The following NR3C2 variants were observed in gnomAD, a reference collection of about 807,000 sequenced individuals.
NR3C2 encodes the protein nuclear receptor subfamily 3 group C member 2.
NR3C2 carries 15 observed loss-of-function variants against 86.4 expected under a neutral mutation model. The ratio of observed to expected loss-of-function variants is 0.17; its 90% confidence interval spans 0.12 to 0.27. The LOEUF is 0.27. NR3C2 is among the 10% of genes least tolerant of loss of function. The pLI is 1.00. For missense variants in NR3C2, 960 were observed against 1,195.6 expected (o/e 0.80, Z 2.91); for synonymous variants, 458 against 450.5 (o/e 1.02, Z -0.21).
At chr4:148,378,509 G>T (rs189514797) in intron 2 of NR3C2, among the ~76,000 whole-genome samples, 36 of 152,250 alleles carry the variant, frequency 2.4e-4, no homozygotes, top group Non-Finnish European at 3.7e-4. Flanking sequence ...GATCATGGGG[G>T]TGGATCCCTC....
intron 2 of NR3C2, among the ~76,000 whole-genome samples, chr4:148,393,629 G>A (rs756668980): frequency 1.3e-5 from 2 of 152,034 alleles, no homozygotes; most frequent in Admixed American, 6.6e-5. Context: ...ATGGAAGCCC[G>A]GTATTACCAG....
intron 4 of NR3C2, among the ~76,000 whole-genome samples, chr4:148,187,761 G>A (rs1187080703): frequency 6.6e-6 from 1 of 152,116 alleles, no homozygotes; most frequent in Non-Finnish European, 1.5e-5. Flanking sequence ...TATTGCATTT[G>A]CTTTTGGGTT....
At chr4:148,337,596 A>AGCC (rs1744557747) in intron 2 of NR3C2, among the ~76,000 whole-genome samples, 1 of 152,188 alleles carries the variant, frequency 6.6e-6, no homozygotes, top group African/African-American at 2.4e-5. Context: ...ACATTTATCT[A>AGCC]TTTTGTTAAA....
At chr4:148,353,330 T>C (rs1055047530) in intron 2 of NR3C2, among the ~76,000 whole-genome samples, 12 of 152,146 alleles carry the variant, frequency 7.9e-5, no homozygotes, top group Admixed American at 5.9e-4. Flanking sequence ...TTTTAAATTA[T>C]GGAAATCCAA....
At chr4:148,444,659 C>T (rs1750501963), upstream of NR3C2, 2 of 985,540 alleles carry the variant, frequency 2.0e-6, no homozygotes, top group Non-Finnish European at 2.4e-6. Context: ...ATGATAATCC[C>T]GGCAGTGGCA....
chr4:148,087,214 T>TCTTC (rs1730854682), intron 8 of NR3C2, among the ~76,000 whole-genome samples: 2 of 152,062 alleles, frequency 1.3e-5, no homozygotes, highest in African/African-American at 4.8e-5. Flanking sequence ...ATACAAGGGA[T>TCTTC]GTGAAGGACA....
chr4:148,277,829 A>G (rs1579097631), intron 2 of NR3C2, among the ~76,000 whole-genome samples: 1 of 152,132 alleles, frequency 6.6e-6, no homozygotes, highest in East Asian at 1.9e-4. Context: ...GGGCCATACT[A>G]GTCATCAGCA....
intron 2 of NR3C2, among the ~76,000 whole-genome samples, chr4:148,307,511 C>G (rs1742689067): frequency 6.6e-6 from 1 of 152,166 alleles, no homozygotes; most frequent in Admixed American, 6.5e-5. Flanking sequence ...TGACACAGAG[C>G]AACTACTTAA....
intron 3 of NR3C2, among the ~76,000 whole-genome samples, chr4:148,223,188 A>G (rs1406385912): frequency 6.6e-6 from 1 of 152,128 alleles, no homozygotes; most frequent in Non-Finnish European, 1.5e-5. Flanking sequence ...AGCAATACAG[A>G]GCTATGCAGC....
At chr4:148,391,956 T>TAA (rs5862838) in intron 2 of NR3C2, among the ~76,000 whole-genome samples, 27 of 147,988 alleles carry the variant, frequency 1.8e-4, no homozygotes, top group African/African-American at 3.5e-4. Flanking sequence ...AATAACGTAG[T>TAA]AAAAAAAAAA....
At chr4:148,259,949 G>A in intron 3 of NR3C2, 29 bp downstream of exon 3, 1 of 1,613,862 alleles carries the variant, frequency 6.2e-7, no homozygotes, top group Non-Finnish European at 8.5e-7. Context: ...GAAAAAATAT[G>A]TAAAAGGAAC....
intron 8 of NR3C2, among the ~76,000 whole-genome samples, chr4:148,082,513 G>GT (rs1471554832): frequency 6.6e-6 from 1 of 152,084 alleles, no homozygotes; most frequent in Admixed American, 6.5e-5. Flanking sequence ...GGACTGTGCT[G>GT]TAACAGTGCA....
chr4:148,344,881 C>T (rs72656833), intron 2 of NR3C2, among the ~76,000 whole-genome samples: 37 of 152,144 alleles, frequency 2.4e-4, no homozygotes, highest in African/African-American at 8.9e-4. Context: ...TATTCCAAGG[C>T]CATATAGAAT....
intron 2 of NR3C2, among the ~76,000 whole-genome samples, chr4:148,322,494 T>TC (rs1226851883): frequency 9.7e-6 from 1 of 102,764 alleles, no homozygotes; most frequent in African/African-American, 5.1e-5. Context: ...GGTTCCATTC[T>TC]CCCCATCACT....
intron 8 of NR3C2, among the ~76,000 whole-genome samples, chr4:148,091,600 C>T (rs766595824): frequency 1.4e-4 from 22 of 152,178 alleles, no homozygotes; most frequent in Non-Finnish European, 2.8e-4. Flanking sequence ...TGTGCCACAC[C>T]GCTGTGTTAC....
At chr4:148,358,275 G>A (rs1015756725) in intron 2 of NR3C2, among the ~76,000 whole-genome samples, 3 of 152,204 alleles carry the variant, frequency 2.0e-5, no homozygotes, top group Admixed American at 2.0e-4. Flanking sequence ...TATATACCAT[G>A]GAATACTATG....
intron 6 of NR3C2, among the ~76,000 whole-genome samples, chr4:148,124,344 T>A (rs556901099): frequency 6.6e-6 from 1 of 152,352 alleles, no homozygotes; most frequent in African/African-American, 2.4e-5. Context: ...GATGATAGTT[T>A]AAAAAGCTAT....
In NR3C2 at chr4:148,369,902, T is replaced by C. The variant is rs557376274; in HGVS notation, c.1757+65202A>G. ...TGGCTGTCCCAGTCTCTCCATATGC[T>C]GCAAAGAACCGGGTGAAATTGATGG... On this transcript the variant is annotated intron_variant, in intron 2 of 8. Transcript: ENST00000358102. 2.0e-5 allele frequency among the ~76,000 whole-genome samples: 3 copies of C among 152,334 alleles called. No homozygotes were observed. In the East Asian group the frequency reaches 5.8e-4, roughly 29 times the overall value.
At chr4:148,444,856 G>A, upstream of NR3C2, 1 of 985,002 alleles carries the variant, frequency 1.0e-6, no homozygotes, top group Non-Finnish European at 1.2e-6. Context: ...GCGTCCCTGG[G>A]AGCCGGGAAG....
Sources: allele counts gnomAD v4.1 joint callset (sites outside exome capture counted in the v4.1 genomes callset), GRCh38; gene constraint gnomAD v4.1.1; transcripts MANE v1.5; gene names NCBI Gene and HGNC (gene_info 2026-07-23, HGNC 2026-07-21).